Variants in MTUS1 observed in about 807,000 individuals in gnomAD.
MTUS1 encodes the protein microtubule associated scaffold protein 1, also known as microtubule-associated tumor suppressor 1.
A neutral mutation model predicts 120.8 loss-of-function variants in MTUS1; 109 were observed. That is an observed-to-expected ratio of 0.90 (90% CI 0.77 to 1.06). The LOEUF is 1.06. Among genes scored for constraint, MTUS1 ranks in the 50% least tolerant of loss-of-function variants. MTUS1 has a pLI of 0.00. For synonymous variants in MTUS1, 737 were observed against 550.5 expected (o/e 1.34, Z -4.74); for missense variants, 2,210 against 1,486.3 (o/e 1.49, Z -8.01).
At chr8:17,739,745 A>C (rs1362626096) in intron 3 of MTUS1, among the ~76,000 whole-genome samples, 1 of 152,258 alleles carries the variant, frequency 6.6e-6, no homozygotes, top group Middle Eastern at 3.4e-3. Flanking sequence ...AAATTACTAA[A>C]ACTGAGCCTG....
chr8:17,758,307 T>C (rs1375879453), intron 1 of MTUS1: 1 of 152,190 alleles, frequency 6.6e-6, no homozygotes, highest in East Asian at 1.9e-4. Flanking sequence ...ATACCAGCCT[T>C]TAATGGAATA....
At chr8:17,715,165 C>G (rs530480195) in intron 5 of MTUS1, among the ~76,000 whole-genome samples, 47 of 152,122 alleles carry the variant, frequency 3.1e-4, no homozygotes, top group African/African-American at 1.1e-3. Context: ...CTTGGCCTCC[C>G]AAAGTGCTGG....
intron 6 of MTUS1, among the ~76,000 whole-genome samples, chr8:17,708,304 C>G (rs1199303107): frequency 6.6e-6 from 1 of 152,218 alleles, no homozygotes; most frequent in East Asian, 1.9e-4. Context: ...TGAATAGACA[C>G]TTCTCCAAAG....
chr8:17,696,488 A>C (rs889490575), intron 6 of MTUS1, among the ~76,000 whole-genome samples: 1 of 152,214 alleles, frequency 6.6e-6, no homozygotes, highest in African/African-American at 2.4e-5. Flanking sequence ...AAAACACCCC[A>C]GCTAACATAT....
At chr8:17,681,377 G>C (rs1217001494) in intron 7 of MTUS1, among the ~76,000 whole-genome samples, 1 of 152,198 alleles carries the variant, frequency 6.6e-6, no homozygotes, top group Non-Finnish European at 1.5e-5. Flanking sequence ...GTGAACAATG[G>C]ATGACGTACA....
intron 2 of MTUS1, among the ~76,000 whole-genome samples, chr8:17,746,661 A>T (rs2047776160): frequency 6.6e-6 from 1 of 152,188 alleles, no homozygotes; most frequent in Non-Finnish European, 1.5e-5. Context: ...TGTGGGAATT[A>T]CAGGAGCTAC....
At chr8:17,655,213 G>T (rs1363780636) in intron 9 of MTUS1, among the ~76,000 whole-genome samples, 1 of 150,966 alleles carries the variant, frequency 6.6e-6, no homozygotes, top group African/African-American at 2.4e-5. Context: ...AGTTAAAAAG[G>T]GAGCTACAAA....
At chr8:17,692,807 G>A (rs1383776434) in intron 6 of MTUS1, among the ~76,000 whole-genome samples, 2 of 152,046 alleles carry the variant, frequency 1.3e-5, no homozygotes, top group African/African-American at 4.8e-5. Flanking sequence ...TGTGACATGA[G>A]TTTACCTATA....
At chr8:17,730,638 C>T (rs2046509712) in intron 3 of MTUS1, among the ~76,000 whole-genome samples, 1 of 152,102 alleles carries the variant, frequency 6.6e-6, no homozygotes, top group Non-Finnish European at 1.5e-5. Flanking sequence ...AGATATACCA[C>T]GGAATACTAT....
intron 1 of MTUS1, among the ~76,000 whole-genome samples, chr8:17,794,106 T>C (rs1464420682): frequency 6.6e-6 from 1 of 152,096 alleles, no homozygotes; most frequent in East Asian, 1.9e-4. Context: ...GGCCGGTGGA[T>C]CACCTGAGGT....
intron 1 of MTUS1, among the ~76,000 whole-genome samples, chr8:17,758,600 G>A (rs547208320): frequency 2.6e-5 from 4 of 152,108 alleles, no homozygotes; most frequent in South Asian, 4.1e-4. Flanking sequence ...TTCATTTTTA[G>A]GCTTACATGC....
At chr8:17,682,713 G>C (rs1490045527) in intron 7 of MTUS1, among the ~76,000 whole-genome samples, 1 of 151,918 alleles carries the variant, frequency 6.6e-6, no homozygotes, top group East Asian at 1.9e-4. Flanking sequence ...GGGCTATTAG[G>C]CTAGATATAA....
intron 8 of MTUS1, among the ~76,000 whole-genome samples, chr8:17,670,091 C>A (rs1276867993): frequency 3.3e-5 from 5 of 152,274 alleles, no homozygotes; most frequent in East Asian, 1.9e-4. Flanking sequence ...GATGGGGGAA[C>A]AGGAGTATGA....
At chr8:17,685,741 A>T (rs1308457024) in intron 6 of MTUS1, among the ~76,000 whole-genome samples, 23 of 152,348 alleles carry the variant, frequency 1.5e-4, no homozygotes, top group East Asian at 9.6e-4. Context: ...ATGGTTAAAT[A>T]AGTCATATTT....
chr8:17,750,073 T>A (rs1415962463), intron 2 of MTUS1, among the ~76,000 whole-genome samples: 1 of 152,240 alleles, frequency 6.6e-6, no homozygotes, highest in African/African-American at 2.4e-5. Context: ...TAAAGCAGCA[T>A]GTTCCCTGTC....
In MTUS1 at chr8:17,754,506, T is replaced by A. The variant is rs1405977983; in HGVS notation, c.1302A>T (p.Glu434Asp). The A allele has an allele frequency of 6.2e-7, 1 of 1,614,120 alleles. No homozygotes were observed. The highest frequency in any genetic ancestry group is 8.5e-7 in the Non-Finnish European group (1 of 1,180,050). Residue 434 changes from glutamate to aspartate, a missense_variant, in exon 2 of 15, where the codon GAA (glutamate) becomes GAT (aspartate). By Grantham distance (45) the Glu-to-Asp change is conservative. Transcript: ENST00000693296. ...KTMCMSTPVLEPTKVTFSVSP... is the reference protein window; with the variant it reads ...KTMCMSTPVLDPTKVTFSVSP... ...AAACAGAAAAGGTTACTTTTGTGGG[T>A]TCTAGGACTGGTGTTGACATGCACA...
At chr8:17,668,664 T>C (rs185574107) in intron 8 of MTUS1, among the ~76,000 whole-genome samples, 1 of 152,326 alleles carries the variant, frequency 6.6e-6, no homozygotes, top group East Asian at 1.9e-4. Context: ...TTTTTAATTA[T>C]TCTGACTCTG....
intron 6 of MTUS1, among the ~76,000 whole-genome samples, chr8:17,702,799 C>T (rs1015628874): frequency 6.6e-6 from 1 of 152,168 alleles, no homozygotes; most frequent in Non-Finnish European, 1.5e-5. Context: ...CACATCCTGG[C>T]TATCATAATG....
In MTUS1 at chr8:17,753,816, A is replaced by G. The variant is rs1250870664; in HGVS notation, c.1992T>C (p.Pro664=). The change falls in exon 2 of 15, where the codon CCT becomes CCC. Residue 664 remains proline (P), a synonymous_variant. Transcript: ENST00000693296. ...TYVPNIDRIS[P]EKKGEKENGT... ...CATTTTCTTTTTCACCCTTCTTTTCAGGGCTAATCCTATCAATGTTGGGAA... is the reference window on the plus strand; with the variant it reads ...CATTTTCTTTTTCACCCTTCTTTTCGGGGCTAATCCTATCAATGTTGGGAA... 6.2e-7 allele frequency: 1 copy of G among 1,613,844 alleles called. No homozygotes were observed. Among genetic ancestry groups the G allele is most frequent in the Admixed American group, 1.7e-5 (1 of 59,976 alleles).
Sources: allele counts gnomAD v4.1 joint callset (sites outside exome capture counted in the v4.1 genomes callset), GRCh38; gene constraint gnomAD v4.1.1; transcripts MANE v1.5; gene names NCBI Gene and HGNC (gene_info 2026-07-23, HGNC 2026-07-21).